Variants in PRPF8 observed in about 807,000 individuals in gnomAD.
PRPF8 encodes the protein pre-mRNA processing factor 8.
PRPF8 carries 64 observed loss-of-function variants against 285.9 expected under a neutral mutation model. The ratio of observed to expected loss-of-function variants is 0.22; its 90% CI spans 0.18 to 0.28. PRPF8 has a LOEUF of 0.28. Among genes scored for constraint, PRPF8 ranks in the 10% least tolerant of loss-of-function variants. The pLI, the probability that PRPF8 is intolerant of heterozygous loss-of-function variation, is 1.00. For missense variants in PRPF8, 1,426 were observed against 3,026.7 expected, an observed-to-expected ratio of 0.47 and a Z score of 12.41; for synonymous variants, 1,325 against 1,118.2, an observed-to-expected ratio of 1.18 and a Z score of -3.69.
chr17:1,657,645 CAAAAAAAAAA>C (rs71150803), intron 34 of PRPF8, among the ~76,000 whole-genome samples: 1 of 48,092 alleles, frequency 2.1e-5, no homozygotes, highest in Admixed American at 2.4e-4. Context: ...GACTCCGTCT[CAAAAAAAAAA>C]AAAAAAAAAG....
intron 13 of PRPF8, 136 bp from the exon 14 acceptor site, chr17:1,677,830 G>GA (rs201911320): frequency 1.4e-3 from 1,576 of 1,118,018 alleles, no homozygotes; most frequent in Admixed American, 1.6e-3. Context: ...GGGGTAAAAA[G>GA]AAAAAAAAAC....
intron 8 of PRPF8, among the ~76,000 whole-genome samples, chr17:1,680,305 GTTTC>G (rs1211541323): frequency 6.6e-6 from 1 of 152,190 alleles, no homozygotes; most frequent in Non-Finnish European, 1.5e-5. Context: ...ACTGCTAAGG[GTTTC>G]TTTCTCAAGT....
chr17:1,651,382 A>G lies in PRPF8; in HGVS notation c.6650+32T>C, dbSNP rs750151793. ...GGCCCTGGCCTGCAATCCCTGCCCCACCATACTTCCTCCCAAGGAGCCCAG... is the reference window on the plus strand; with the variant it reads ...GGCCCTGGCCTGCAATCCCTGCCCCGCCATACTTCCTCCCAAGGAGCCCAG... On this transcript the variant is annotated intron_variant, in intron 41 of 42. Transcript: ENST00000304992. This position sits in a 1 kb window ranked among gnomAD's most constrained non-coding sequence, Gnocchi z 5.1. 64 of 1,613,918 alleles carry G rather than the reference A, an allele frequency of 4.0e-5. No individual in the cohort carries two copies. The highest frequency in any genetic ancestry group is 5.2e-5 in the Non-Finnish European group (61 of 1,180,004).
At chr17:1,663,054 ATAC>A (rs1216088478) in intron 24 of PRPF8, among the ~76,000 whole-genome samples, 5 of 152,220 alleles carry the variant, frequency 3.3e-5, no homozygotes, top group South Asian at 2.1e-4. Flanking sequence ...TATGACAAAA[ATAC>A]TACTAAGAGT....
In PRPF8 at chr17:1,659,191, A is replaced by C. The variant is rs1218165781; in HGVS notation, c.5138+166T>G. Reference sequence around the variant, plus strand: ...CAGGCGTGGACCACCACGCCCAGCTAATTTTTTGTATTTTGGTAGAGACAG... The same window carrying C: ...CAGGCGTGGACCACCACGCCCAGCTCATTTTTTGTATTTTGGTAGAGACAG... On this transcript the variant is annotated intron_variant, in intron 32 of 42. Coordinates refer to ENST00000304992, the MANE Select transcript of PRPF8 (RefSeq NM_006445.4). This position sits in a 1 kb window ranked among gnomAD's most constrained non-coding sequence, Gnocchi z 5.1. 1 of 785,142 alleles carries C rather than the reference A, an allele frequency of 1.3e-6. No individual in the cohort carries two copies. The highest frequency in any genetic ancestry group is 2.1e-6 in the Non-Finnish European group (1 of 468,222). The allele number at this position is 785,142 out of a possible 1,614,324, so 48.6% of individuals were successfully genotyped here. A position where few individuals can be genotyped will look rare whatever the true frequency, so the allele number is the denominator to read the frequency against.
In PRPF8 at chr17:1,678,834, T is replaced by G; in HGVS notation, c.1647A>C (p.Glu549Asp). The G allele has an allele frequency of 6.2e-7, 1 of 1,614,180 alleles. No homozygotes were observed. The highest frequency in any genetic ancestry group is 8.5e-7 in the Non-Finnish European group (1 of 1,180,030). The change falls in exon 12 of 43, where the codon GAA (glutamate) becomes GAC (aspartate). Residue 549 changes from glutamate to aspartate, a missense_variant. Glu to Asp is a conservative substitution (Grantham distance 45, BLOSUM62 2). Transcript: ENST00000304992. ...CCACCAGCTTAGTCAAACGCAGAAC[T>G]TCCCGACACAGGTGGAAAGCATTCC... ...RFGNAFHLCR[E>D]VLRLTKLVVD...
intron 36 of PRPF8, among the ~76,000 whole-genome samples, chr17:1,656,006 T>G (rs1199669671): frequency 6.7e-6 from 1 of 149,504 alleles, no homozygotes; most frequent in Non-Finnish European, 1.5e-5. Flanking sequence ...CTGCAACCTC[T>G]GCCTCCTGGG....
intron 14 of PRPF8, 22 bp from the exon 15 acceptor site, chr17:1,677,194 G>C (rs1439585192): frequency 6.2e-7 from 1 of 1,608,750 alleles, no homozygotes; most frequent in East Asian, 2.2e-5. Context: ...GTGTCCCAAG[G>C]GGATTACAAG....
Position 1,681,785 on chromosome 17 carries a change from T to C in PRPF8, c.653+35A>G, listed in dbSNP as rs370251225. On this transcript the variant is annotated intron_variant, in intron 5 of 42. Coordinates refer to ENST00000304992, the MANE Select transcript of PRPF8 (RefSeq NM_006445.4). ...AGGACTCCTTCTGCATTTCCAGAAC[T>C]CCTCCCAGGTGTAGTATCTCCATCT... is the stretch of plus-strand genomic sequence containing the variant. 2.5e-6 allele frequency: 4 copies of C among 1,612,376 alleles called. No individual in the cohort carries two copies. The African/African-American group carries it at 4.0e-5, about 16-fold the overall frequency.
In PRPF8 at chr17:1,683,671, C is replaced by T. The variant is rs202226188; in HGVS notation, c.131G>A (p.Arg44His). The part of the protein sequence containing the change: ...ARKWQQLQAK[R>H]YAEKRKFGFV... The stretch of plus-strand genomic sequence containing the variant: ...CCCAAACTTCCGCTTTTCTGCATAG[C>T]GCTTGGCCTGCAATTGCTGCCATTT... The change falls in exon 3 of 43, where the codon CGC becomes CAC. Residue 44 changes from arginine to histidine, a missense_variant. Physicochemically the swap from Arg to His is conservative, Grantham distance 29. Around this residue, in one of 34 missense-constraint regions of PRPF8, gnomAD observed 72 missense variants for 80.0 expected, o/e 0.90. Transcript: ENST00000304992. 1.2e-6 allele frequency: 2 copies of T among 1,613,958 alleles called. No homozygotes were observed. The highest frequency in any genetic ancestry group is 1.7e-5 in the Admixed American group (1 of 59,980).
At position 1,681,482 on chromosome 17, in the gene PRPF8, G is replaced by A; in HGVS notation, c.862C>T (p.Leu288=). The change falls in exon 6 of 43, where the codon CTA becomes TTA. Residue 288 remains leucine (L), a synonymous_variant. Coordinates refer to ENST00000304992, the MANE Select transcript of PRPF8 (RefSeq NM_006445.4). Reference sequence around the variant, plus strand: ...TCCCTAATCTCTCCAACTCACTGTAGGTTGATGTCTCGAACAAGAGGTTCA... The same window carrying A: ...TCCCTAATCTCTCCAACTCACTGTAAGTTGATGTCTCGAACAAGAGGTTCA... The part of the protein sequence containing the change: ...KFEPLVRDIN[L]QDEDWNEFND... 6.3e-7 allele frequency: 1 copy of A among 1,578,142 alleles called. No homozygotes were observed. The highest frequency in any genetic ancestry group is 8.7e-7 in the Non-Finnish European group (1 of 1,147,250).
intron 37 of PRPF8, chr17:1,654,585 T>C (rs117257270): frequency 0.027 from 5,327 of 199,952 alleles, 103 homozygotes; most frequent in Middle Eastern, 0.037. Context: ...TCCCATACTA[T>C]TCGAAGACAC....
chr17:1,681,493 C>T lies in PRPF8; in HGVS notation c.851G>A (p.Arg284Gln), dbSNP rs1912920951. The change falls in exon 6 of 43, where the codon CGA becomes CAA. Residue 284 changes from arginine (R) to glutamine (Q), a missense_variant. By Grantham distance (43) the Arg-to-Gln change is conservative. This residue lies in a region of PRPF8 where 157 missense variants were observed against 159.6 expected (regional missense o/e 0.98). Coordinates refer to ENST00000304992, the MANE Select transcript of PRPF8 (RefSeq NM_006445.4). ...PGGPKFEPLV[R>Q]DINLQDEDWN... ...TCCAACTCACTGTAGGTTGATGTCT[C>T]GAACAAGAGGTTCAAATTTGGGGCC... 1.3e-6 allele frequency: 2 copies of T among 1,598,190 alleles called. No homozygotes were observed. The highest frequency in any genetic ancestry group is 1.7e-6 in the Non-Finnish European group (2 of 1,165,518).
intron 24 of PRPF8, among the ~76,000 whole-genome samples, chr17:1,663,520 A>G (rs1221512559): frequency 2.6e-5 from 1 of 38,236 alleles, no homozygotes; most frequent in Non-Finnish European, 4.5e-5. Context: ...CAGCCTGGAC[A>G]GCATGGTGAG....
intron 2 of PRPF8, 110 bp from the exon 3 acceptor site, chr17:1,683,811 G>T: frequency 8.0e-7 from 1 of 1,257,162 alleles, no homozygotes; most frequent in East Asian, 2.5e-5. Flanking sequence ...GCAGGCACCA[G>T]CAGGAAGAAG....
chr17:1,657,840 G>A (rs942761540), intron 34 of PRPF8, among the ~76,000 whole-genome samples: 5 of 150,668 alleles, frequency 3.3e-5, no homozygotes, highest in African/African-American at 4.9e-5. Context: ...GCGTGGTGGC[G>A]GGCGCCTGTA....
In PRPF8 at chr17:1,655,334, C is replaced by A; in HGVS notation, c.5987+16G>T. 1.9e-6 allele frequency: 3 copies of A among 1,612,614 alleles called. No homozygotes were observed. The highest frequency in any genetic ancestry group is 2.5e-6 in the Non-Finnish European group (3 of 1,179,984). On this transcript the variant is annotated intron_variant, in intron 37 of 42. Transcript: ENST00000304992. Reference sequence around the variant, plus strand: ...TATATAGACCTCCTGTCTGTGTCCCCACCAGCACTGCTCACTTGTTTTTCT... The same window carrying A: ...TATATAGACCTCCTGTCTGTGTCCCAACCAGCACTGCTCACTTGTTTTTCT...
chr17:1,668,622 A>C (rs1478175434), intron 24 of PRPF8, among the ~76,000 whole-genome samples: 2 of 151,952 alleles, frequency 1.3e-5, no homozygotes, highest in African/African-American at 4.8e-5. Context: ...TCGGCCTCCC[A>C]AAGTGCTGGG....
intron 30 of PRPF8, among the ~76,000 whole-genome samples, chr17:1,660,212 G>A (rs925203025): frequency 1.2e-4 from 17 of 140,344 alleles, no homozygotes; most frequent in Admixed American, 2.8e-4. Flanking sequence ...CCCTCTCCCC[G>A]CGATTCCACC....
Sources: allele counts gnomAD v4.1 joint callset (sites outside exome capture counted in the v4.1 genomes callset), GRCh38; gene constraint gnomAD v4.1.1; regional missense constraint gnomAD v4.1.1; non-coding constraint Gnocchi (gnomAD v3.1); transcripts MANE v1.5; gene names NCBI Gene and HGNC (gene_info 2026-07-23, HGNC 2026-07-21).